MGAT5: variants seen among roughly 807,000 people sequenced by gnomAD.
MGAT5 encodes alpha-1,6-mannosylglycoprotein 6-beta-N-acetylglucosaminyltransferase.
Under a neutral mutation model 94.3 loss-of-function variants are expected in MGAT5, and 30 were observed. The observed-to-expected ratio is 0.32, with a 90% CI of 0.24 to 0.43. The LOEUF is 0.43. MGAT5 is among the 20% of genes least tolerant of loss of function. MGAT5 has a pLI of 1.00. For missense variants in MGAT5, 691 were observed against 905.5 expected (o/e 0.76, Z 3.04); for synonymous variants, 310 against 322.9 (o/e 0.96, Z 0.43).
At chr2:134,318,027 T>C (rs1446258890) in intron 3 of MGAT5, among the ~76,000 whole-genome samples, 1 of 152,218 alleles carries the variant, frequency 6.6e-6, no homozygotes, top group Admixed American at 6.5e-5. Context: ...CACATTTGTA[T>C]TTGTGGTTGA....
chr2:134,419,663 C>T (rs1368283017), intron 12 of MGAT5, among the ~76,000 whole-genome samples: 2 of 151,882 alleles, frequency 1.3e-5, no homozygotes, highest in African/African-American at 4.8e-5. Context: ...CAAGAAGGAA[C>T]GTAACATTCA....
intron 1 of MGAT5, among the ~76,000 whole-genome samples, chr2:134,179,744 G>A (rs776325600): frequency 1.1e-4 from 17 of 152,144 alleles, no homozygotes; most frequent in Non-Finnish European, 1.8e-4. Context: ...GCATTTGAAC[G>A]AGAGTAACTC....
Position 134,240,357 on chromosome 2 carries a change from G to GTTTTTTTTTTTTTTTT in MGAT5, c.-142-13890_-142-13889insTTTTTTTTTTTTTTTT, listed in dbSNP as rs11316083. Among the ~76,000 whole-genome samples the GTTTTTTTTTTTTTTTT allele has an allele frequency of 2.7e-5, 4 of 146,830 alleles. No homozygotes were observed. In the East Asian group the frequency reaches 8.4e-4, roughly 31 times the overall value. ...TGAGCTTTCATTCTAAAATGAAAGT[G>GTTTTTTTTTTTTTTTT]TTTTTTTTTTTTTTTACTATTTGTA... On this transcript the variant is annotated intron_variant, in intron 1 of 16. Coordinates refer to the MGAT5 transcript ENST00000409645.
At chr2:134,406,803 G>A (rs1342480271) in intron 11 of MGAT5, among the ~76,000 whole-genome samples, 2 of 152,154 alleles carry the variant, frequency 1.3e-5, no homozygotes, top group African/African-American at 4.8e-5. Flanking sequence ...GCTGAAATGG[G>A]AGGGTCACTT....
chr2:134,299,155 G>A (rs568264323), intron 2 of MGAT5, among the ~76,000 whole-genome samples: 2 of 152,222 alleles, frequency 1.3e-5, no homozygotes, highest in East Asian at 3.9e-4. Context: ...TCAATTCTGT[G>A]AGCCAGTGTT....
intron 4 of MGAT5, among the ~76,000 whole-genome samples, chr2:134,326,351 A>G (rs1439109): frequency 0.14 from 20,807 of 152,034 alleles, 1,574 homozygotes; most frequent in Middle Eastern, 0.35. Context: ...CTGATTGTCA[A>G]GTTGCCCCGC....
chr2:134,138,606 C>A (rs997621179), intron 1 of MGAT5, among the ~76,000 whole-genome samples: 2 of 152,174 alleles, frequency 1.3e-5, no homozygotes, highest in Non-Finnish European at 2.9e-5. Flanking sequence ...TGAGAACAGA[C>A]CTTTTGGGCA....
chr2:134,147,052 C>T (rs553995997), intron 1 of MGAT5, among the ~76,000 whole-genome samples: 1 of 152,176 alleles, frequency 6.6e-6, no homozygotes, highest in East Asian at 1.9e-4. Flanking sequence ...ACTGGAATTT[C>T]AACATGAATG....
Position 134,391,191 on chromosome 2 carries a change from A to C in MGAT5, c.1381-11797A>C, listed in dbSNP as rs535374705. Among the ~76,000 whole-genome samples, 3 of 152,204 alleles carry C rather than the reference A, an allele frequency of 2.0e-5. No individual in the cohort carries two copies. In the South Asian group the frequency reaches 6.2e-4, roughly 32 times the overall value. ...GGCTGGGGATGGGGATTGAGTGCTG[A>C]GAGAGTTGAGGAGGTAGGTGGTGCC... On this transcript the variant is annotated intron_variant, in intron 10 of 15. Coordinates refer to ENST00000281923, the MANE Select transcript of MGAT5 (RefSeq NM_002410.5).
intron 2 of MGAT5, among the ~76,000 whole-genome samples, chr2:134,270,918 T>C (rs1683987296): frequency 6.6e-6 from 1 of 152,208 alleles, no homozygotes; most frequent in Admixed American, 6.5e-5. Context: ...ATTTTGAAAG[T>C]CTGTTACGTA....
At chr2:134,371,944 TAAA>T (rs59624970) in intron 10 of MGAT5, among the ~76,000 whole-genome samples, 19 of 140,028 alleles carry the variant, frequency 1.4e-4, no homozygotes, top group Admixed American at 1.1e-3. Flanking sequence ...TTGTTTTGTT[TAAA>T]AAAAAAAAAA....
intron 8 of MGAT5, among the ~76,000 whole-genome samples, chr2:134,347,047 T>C (rs1012349778): frequency 6.6e-6 from 1 of 152,182 alleles, no homozygotes; most frequent in Non-Finnish European, 1.5e-5. Flanking sequence ...AACAAACATC[T>C]TTTTAAGTCA....
chr2:134,206,971 G>A (rs2105306472), intron 1 of MGAT5, among the ~76,000 whole-genome samples: 1 of 152,288 alleles, frequency 6.6e-6, no homozygotes, highest in South Asian at 2.1e-4. Context: ...ACTAAGTATA[G>A]GTAATTATTA....
intron 4 of MGAT5, among the ~76,000 whole-genome samples, chr2:134,330,662 G>A (rs1280599604): frequency 2.6e-5 from 4 of 151,064 alleles, no homozygotes; most frequent in African/African-American, 9.8e-5. Context: ...TTCTCTTAAT[G>A]TTCATTGTGA....
chr2:134,154,993 A>G (rs2105032120), intron 1 of MGAT5, among the ~76,000 whole-genome samples: 1 of 152,336 alleles, frequency 6.6e-6, no homozygotes, highest in Middle Eastern at 3.4e-3. Context: ...TAGGAATAAC[A>G]GAGGCTCAGT....
chr2:134,318,483 C>T (rs1687131943), intron 3 of MGAT5, among the ~76,000 whole-genome samples, 167 bp from the exon 4 acceptor site: 1 of 152,142 alleles, frequency 6.6e-6, no homozygotes, highest in Non-Finnish European at 1.5e-5. Flanking sequence ...AGTAGGTGAG[C>T]TGCACACCTG....
chr2:134,145,212 C>CTGTGTGTG (rs1350453588), intron 1 of MGAT5, among the ~76,000 whole-genome samples: 5,849 of 113,594 alleles, frequency 0.051, 215 homozygotes, highest in African/African-American at 0.15. Context: ...GTGTCTCTCT[C>CTGTGTGTG]TCTGTGTGTG....
At chr2:134,158,432 G>A (rs1279063143) in intron 1 of MGAT5, among the ~76,000 whole-genome samples, 4 of 152,232 alleles carry the variant, frequency 2.6e-5, no homozygotes, top group African/African-American at 4.8e-5. Context: ...GTGCTTATAC[G>A]TGGCCAGGTT....
chr2:134,409,153 T>C (rs1242981784), intron 11 of MGAT5, among the ~76,000 whole-genome samples: 6 of 152,194 alleles, frequency 3.9e-5, no homozygotes, highest in African/African-American at 1.2e-4. Context: ...CTGTGTGAAG[T>C]TGCATATGGA....
Sources: gnomAD v4.1 joint callset for allele counts (sites outside exome capture counted in the v4.1 genomes callset) on GRCh38, gnomAD v4.1.1 for gene constraint, MANE v1.5 for transcripts, NCBI Gene and HGNC (gene_info 2026-07-23, HGNC 2026-07-21) for gene names.